Variants in PREX2 observed in about 807,000 individuals in gnomAD.
The protein encoded by PREX2 is phosphatidylinositol-3,4,5-trisphosphate dependent Rac exchange factor 2.
A neutral mutation model predicts 203.2 loss-of-function variants in PREX2; 107 were observed. That is an observed-to-expected ratio of 0.53 (90% CI 0.45 to 0.62). The LOEUF is 0.62. Ranked by LOEUF, PREX2 falls within the 20% of genes least tolerant of loss-of-function variation. The pLI, the probability that PREX2 is intolerant of heterozygous loss-of-function variation, is 0.00. For synonymous variants in PREX2, 672 were observed against 663.6 expected (o/e 1.01, Z -0.19); for missense variants, 1,777 against 1,955.9 (o/e 0.91, Z 1.72).
intron 1 of PREX2, among the ~76,000 whole-genome samples, chr8:68,015,892 T>C (rs1807397085): frequency 6.6e-6 from 1 of 152,204 alleles, no homozygotes; most frequent in Non-Finnish European, 1.5e-5. Context: ...TTATATCACT[T>C]GTTCCCAATA....
intron 35 of PREX2, among the ~76,000 whole-genome samples, chr8:68,190,415 AATGAGATT>A (rs756100026): frequency 1.9e-4 from 29 of 152,194 alleles, no homozygotes; most frequent in Non-Finnish European, 3.7e-4. Context: ...TGTAAAAAAC[AATGAGATT>A]ATGTGCCTTG....
At chr8:68,002,988 G>A (rs763095832) in intron 1 of PREX2, among the ~76,000 whole-genome samples, 5 of 152,048 alleles carry the variant, frequency 3.3e-5, no homozygotes, top group Admixed American at 6.5e-5. Flanking sequence ...CTGGAGGATT[G>A]GTGCTTACTA....
At chr8:68,094,566 A>G (rs1809997892) in intron 21 of PREX2, among the ~76,000 whole-genome samples, 1 of 152,170 alleles carries the variant, frequency 6.6e-6, no homozygotes, top group Non-Finnish European at 1.5e-5. Context: ...ATCACCTCTT[A>G]TATTTTCTTG....
Position 67,975,209 on chromosome 8 carries a change from C to A in PREX2, c.141+22674C>A, listed in dbSNP as rs186501476. On this transcript the variant is annotated intron_variant, in intron 1 of 39. Transcript: ENST00000288368. Reference sequence around the variant, plus strand: ...GTTCATGGTCTCCTCTAGTCGGGGCCTCTCAGTCTTTTGAAATTATAATGA... The same window carrying A: ...GTTCATGGTCTCCTCTAGTCGGGGCATCTCAGTCTTTTGAAATTATAATGA... 1.3e-4 allele frequency among the ~76,000 whole-genome samples: 19 copies of A among 150,354 alleles called. No individual in the cohort carries two copies. In the East Asian group the frequency reaches 3.7e-3, roughly 29 times the overall value.
At chr8:67,985,557 T>C (rs556759687) in intron 1 of PREX2, among the ~76,000 whole-genome samples, 8 of 152,290 alleles carry the variant, frequency 5.3e-5, no homozygotes, top group African/African-American at 1.7e-4. Flanking sequence ...TGATTTACCG[T>C]GCACTTAATT....
chr8:68,150,627 T>C (rs1811414608), intron 34 of PREX2, among the ~76,000 whole-genome samples: 1 of 152,172 alleles, frequency 6.6e-6, no homozygotes, highest in Non-Finnish European at 1.5e-5. Flanking sequence ...CTGCTTCTGA[T>C]GATTAGGGTG....
chr8:68,097,165 G>A lies in PREX2; in HGVS notation c.2517G>A (p.Met839Ile). ...TCAAGTGCAATGTGGTGGAAAAGAT[G>A]ATTGAGCCCAAAGGTTTCTTCAGCT... ...AGIKCNVVEK[M>I]IEPKGFFSLT... is the part of the protein sequence containing the mutation. Residue 839 changes from methionine (M) to isoleucine (I), a missense_variant, in exon 22 of 40, where the codon ATG becomes ATA. Met to Ile is a conservative substitution (Grantham distance 10). Transcript: ENST00000288368. The A allele has an allele frequency of 6.2e-7, 1 of 1,613,810 alleles. No homozygotes were observed. Among genetic ancestry groups the A allele is most frequent in the Non-Finnish European group, 8.5e-7 (1 of 1,179,836 alleles).
At chr8:68,214,201 G>A (rs1812791919) in intron 37 of PREX2, among the ~76,000 whole-genome samples, 1 of 152,138 alleles carries the variant, frequency 6.6e-6, no homozygotes, top group Non-Finnish European at 1.5e-5. Context: ...AGGAGTTCAA[G>A]ACAACCTGGG....
chr8:68,202,995 A>G (rs1008063659), intron 37 of PREX2, among the ~76,000 whole-genome samples: 4 of 152,196 alleles, frequency 2.6e-5, no homozygotes, highest in African/African-American at 9.6e-5. Context: ...GTGGGTCCCC[A>G]GCCAACAGCA....
At chr8:67,957,496 A>G (rs1805524416) in intron 1 of PREX2, among the ~76,000 whole-genome samples, 1 of 152,166 alleles carries the variant, frequency 6.6e-6, no homozygotes, top group African/African-American at 2.4e-5. Context: ...GCATGGCTCA[A>G]CCTTTCTCAG....
intron 35 of PREX2, among the ~76,000 whole-genome samples, chr8:68,165,038 G>A (rs1811732826): frequency 6.7e-6 from 1 of 149,118 alleles, no homozygotes; most frequent in Non-Finnish European, 1.5e-5. Flanking sequence ...AGACCACAGA[G>A]TACAAGGCTT....
chr8:67,953,706 A>G (rs1313375657), intron 1 of PREX2, among the ~76,000 whole-genome samples: 1 of 152,228 alleles, frequency 6.6e-6, no homozygotes, highest in African/African-American at 2.4e-5. Flanking sequence ...CAAGTGATGT[A>G]AAATGTACAG....
chr8:68,097,658 A>G (rs1475556321), intron 22 of PREX2, among the ~76,000 whole-genome samples: 2 of 151,938 alleles, frequency 1.3e-5, no homozygotes, highest in Non-Finnish European at 2.9e-5. Flanking sequence ...CCCCTCCTCC[A>G]CTATTTGGTA....
intron 33 of PREX2, among the ~76,000 whole-genome samples, chr8:68,143,120 C>G (rs992366801): frequency 3.3e-5 from 5 of 152,120 alleles, no homozygotes; most frequent in Non-Finnish European, 7.4e-5. Flanking sequence ...GGTCTTTAGC[C>G]TATTTTTAAA....
chr8:68,138,471 G>C lies in PREX2; in HGVS notation c.4041G>C (p.Lys1347Asn). ...DTLVALFDLE[K>N]VSFYFKPSEE... is the part of the protein sequence containing the mutation. ...TGGTTGCACTATTTGATTTGGAAAA[G>C]GTTTCCTTTTACTTTAAACCATCAG... The change falls in exon 33 of 40, where the codon AAG (lysine) becomes AAC (asparagine). Residue 1347 changes from lysine (K) to asparagine (N), a missense_variant. Lys to Asn is a moderately conservative substitution (Grantham distance 94). Transcript: ENST00000288368. 1 of 1,605,700 alleles carries C rather than the reference G, an allele frequency of 6.2e-7. No homozygotes were observed. The highest frequency in any genetic ancestry group is 8.5e-7 in the Non-Finnish European group (1 of 1,175,454).
At chr8:68,118,314 C>T (rs1429159619) in intron 26 of PREX2, among the ~76,000 whole-genome samples, 1 of 149,782 alleles carries the variant, frequency 6.7e-6, no homozygotes, top group Non-Finnish European at 1.5e-5. Flanking sequence ...GAGATCGCAC[C>T]ACTGCACTCC....
chr8:68,157,865 T>C (rs1278016743), intron 35 of PREX2, among the ~76,000 whole-genome samples: 1 of 151,992 alleles, frequency 6.6e-6, no homozygotes, highest in South Asian at 2.1e-4. Flanking sequence ...TGATTGATCA[T>C]GTGCTTGGTA....
intron 26 of PREX2, among the ~76,000 whole-genome samples, chr8:68,117,091 A>G (rs1810674496): frequency 6.6e-6 from 1 of 152,240 alleles, no homozygotes; most frequent in African/African-American, 2.4e-5. Context: ...CAATGAAAAG[A>G]TATTGATTAA....
At chr8:68,159,451 T>G (rs528880306) in intron 35 of PREX2, among the ~76,000 whole-genome samples, 81 of 152,290 alleles carry the variant, frequency 5.3e-4, no homozygotes, top group African/African-American at 1.8e-3. Context: ...AGATTCAGCT[T>G]TTAAAAGCCC....
Sources: allele counts gnomAD v4.1 joint callset (sites outside exome capture counted in the v4.1 genomes callset), GRCh38; gene constraint gnomAD v4.1.1; transcripts MANE v1.5; gene names NCBI Gene and HGNC (gene_info 2026-07-23, HGNC 2026-07-21).